The following CNTN3 variants were observed in gnomAD, a reference collection of about 807,000 sequenced individuals.
CNTN3 encodes the protein contactin 3, also known as contactin-3.
In CNTN3, 60 loss-of-function variants were observed where a neutral mutation model predicts 119.1. The ratio of observed to expected loss-of-function variants is 0.50; its 90% CI spans 0.41 to 0.62. The LOEUF (loss-of-function observed/expected upper bound fraction) is 0.62. Ranked by LOEUF, CNTN3 falls within the 20% of genes least tolerant of loss-of-function variation. The pLI is 0.00. For missense variants in CNTN3, 1,101 were observed against 1,242.4 expected (o/e 0.89, Z 1.71); for synonymous variants, 450 against 438.7 (o/e 1.03, Z -0.32).
chr3:74,526,070 T>C (rs1703614465), intron 1 of CNTN3, among the ~76,000 whole-genome samples: 2 of 151,920 alleles, frequency 1.3e-5, no homozygotes, highest in African/African-American at 4.8e-5. Flanking sequence ...AAACATTTTC[T>C]TTCTCAAAGA....
At chr3:74,331,435 A>C (rs1575731697) in intron 13 of CNTN3, among the ~76,000 whole-genome samples, 2 of 152,288 alleles carry the variant, frequency 1.3e-5, no homozygotes, top group East Asian at 3.9e-4. Context: ...ATAAGGACGG[A>C]ATTGCCTAGT....
chr3:74,327,553 G>C (rs1267178313), intron 13 of CNTN3, among the ~76,000 whole-genome samples: 1 of 152,054 alleles, frequency 6.6e-6, no homozygotes, highest in Non-Finnish European at 1.5e-5. Context: ...TTGTTCATAG[G>C]ACTATGCTAG....
In CNTN3 at chr3:74,499,690, C is replaced by T; in HGVS notation, c.151G>A (p.Glu51Lys). The T allele has an allele frequency of 1.2e-6, 2 of 1,610,786 alleles. No homozygotes were observed. The highest frequency in any genetic ancestry group is 8.5e-7 in the Non-Finnish European group (1 of 1,178,202). ...SEDKKITLHCEARGNPSPHYR... is the reference protein window; with the variant it reads ...SEDKKITLHCKARGNPSPHYR... ...TGAGGTGATGGATTGCCTCTTGCTT[C>T]ACAATGCAAAGTTATTTTTTTATCT... Residue 51 changes from glutamate to lysine, a missense_variant, in exon 3 of 23, where the codon GAA becomes AAA. By Grantham distance (56) the Glu-to-Lys change is moderately conservative. Transcript: ENST00000263665.
At chr3:74,272,707 AG>A (rs1701802115) in intron 20 of CNTN3, among the ~76,000 whole-genome samples, 1 of 152,176 alleles carries the variant, frequency 6.6e-6, no homozygotes, top group African/African-American at 2.4e-5. Context: ...ATCTTCCCAT[AG>A]CTTGAAGAGA....
At chr3:74,276,275 T>C (rs1299593093) in intron 20 of CNTN3, among the ~76,000 whole-genome samples, 1 of 152,116 alleles carries the variant, frequency 6.6e-6, no homozygotes, top group African/African-American at 2.4e-5. Flanking sequence ...AAACTATACT[T>C]TGGAACAAAT....
intron 1 of CNTN3, among the ~76,000 whole-genome samples, chr3:74,586,440 C>T (rs1704594088): frequency 6.6e-6 from 1 of 152,152 alleles, no homozygotes; most frequent in South Asian, 2.1e-4. Context: ...ACCTGCAATA[C>T]TGATGAAGAA....
chr3:74,583,620 C>T (rs934985124), intron 1 of CNTN3, among the ~76,000 whole-genome samples: 1 of 152,136 alleles, frequency 6.6e-6, no homozygotes, highest in Admixed American at 6.5e-5. Context: ...TGGATGAATG[C>T]AAGTCTTGTA....
chr3:74,601,011 G>A (rs1559675020), intron 1 of CNTN3, among the ~76,000 whole-genome samples: 2 of 150,010 alleles, frequency 1.3e-5, no homozygotes, highest in African/African-American at 2.4e-5. Context: ...TTCACTACAT[G>A]AGACTTACAT....
At chr3:74,330,230 C>T (rs1322739071) in intron 13 of CNTN3, among the ~76,000 whole-genome samples, 1 of 152,040 alleles carries the variant, frequency 6.6e-6, no homozygotes, top group Non-Finnish European at 1.5e-5. Context: ...GTGGTGCATG[C>T]CGGTAGTCCC....
At chr3:74,541,844 A>G (rs1703847111) in intron 1 of CNTN3, among the ~76,000 whole-genome samples, 1 of 152,210 alleles carries the variant, frequency 6.6e-6, no homozygotes, top group African/African-American at 2.4e-5. Context: ...TAGAACAAAG[A>G]GTTCAGGTAG....
intron 1 of CNTN3, among the ~76,000 whole-genome samples, chr3:74,561,836 G>T (rs976476302): frequency 2.6e-5 from 4 of 152,044 alleles, no homozygotes. Context: ...GCAATGAATG[G>T]ATTCTTTAAA....
At chr3:74,382,015 G>C (rs1559573734) in intron 5 of CNTN3, among the ~76,000 whole-genome samples, 1 of 151,932 alleles carries the variant, frequency 6.6e-6, no homozygotes, top group East Asian at 1.9e-4. Flanking sequence ...TTGAGATCAG[G>C]CCAACCAACA....
intron 5 of CNTN3, among the ~76,000 whole-genome samples, chr3:74,382,886 T>C (rs908623515): frequency 6.6e-6 from 1 of 152,218 alleles, no homozygotes; most frequent in Admixed American, 6.5e-5. Context: ...TTGAAAGTAG[T>C]TTTTACGTTG....
At chr3:74,286,084 T>C (rs150913950) in intron 19 of CNTN3, among the ~76,000 whole-genome samples, 34 of 152,106 alleles carry the variant, frequency 2.2e-4, no homozygotes, top group African/African-American at 7.9e-4. Flanking sequence ...TTGGATTTGA[T>C]AGGCACAACT....
At chr3:74,571,792 T>C (rs2106651572) in intron 1 of CNTN3, among the ~76,000 whole-genome samples, 1 of 152,312 alleles carries the variant, frequency 6.6e-6, no homozygotes, top group African/African-American at 2.4e-5. Flanking sequence ...TTGGGATCGC[T>C]CACTAATATC....
At chr3:74,267,486 C>T in intron 20 of CNTN3, 108 bp from the exon 21 acceptor site, 1 of 739,186 alleles carries the variant, frequency 1.4e-6, no homozygotes, top group Non-Finnish European at 2.4e-6. Context: ...GAACGGGATG[C>T]CTTTGGTAAT....
intron 1 of CNTN3, among the ~76,000 whole-genome samples, chr3:74,597,449 A>G (rs1374873): frequency 0.018 from 2,774 of 152,088 alleles, 79 homozygotes; most frequent in African/African-American, 0.065. Flanking sequence ...GCTTTGTGAA[A>G]TGGAATTTAC....
At chr3:74,532,601 G>A (rs1291773175) in intron 1 of CNTN3, among the ~76,000 whole-genome samples, 1 of 152,000 alleles carries the variant, frequency 6.6e-6, no homozygotes, top group African/African-American at 2.4e-5. Context: ...TGACTCACAG[G>A]TGGGGAGCGT....
chr3:74,497,096 A>G (rs1244317468), intron 3 of CNTN3, among the ~76,000 whole-genome samples: 1 of 151,908 alleles, frequency 6.6e-6, no homozygotes, highest in Admixed American at 6.6e-5. Context: ...CTGTCTCTCT[A>G]TCTGCTTATA....
Sources: allele counts gnomAD v4.1 joint callset (sites outside exome capture counted in the v4.1 genomes callset), GRCh38; gene constraint gnomAD v4.1.1; transcripts MANE v1.5; gene names NCBI Gene and HGNC (gene_info 2026-07-23, HGNC 2026-07-21).